The following PCDHGA2 variants were observed in gnomAD, a reference collection of about 807,000 sequenced individuals.
PCDHGA2 encodes protocadherin gamma subfamily A, 2.
In PCDHGA2, 40 loss-of-function variants were observed where a neutral mutation model predicts 59.2. The ratio of observed to expected loss-of-function variants is 0.68; its 90% CI spans 0.52 to 0.88. The LOEUF is 0.88. PCDHGA2 is among the 40% of genes least tolerant of loss of function. The probability of loss-of-function intolerance (pLI) is 0.00; values close to 1 mark genes in which losing one functional copy is unlikely to be tolerated. For synonymous variants in PCDHGA2, 560 were observed against 526.0 expected, an observed-to-expected ratio of 1.06 and a Z score of -0.89; for missense variants, 1,226 against 1,204.0, an observed-to-expected ratio of 1.02 and a Z score of -0.27.
chr5:141,350,472 A>G, intron 1 of PCDHGA2: 1 of 1,613,948 alleles, frequency 6.2e-7, no homozygotes, highest in Non-Finnish European at 8.5e-7. Flanking sequence ...GCAGAGGATT[A>G]TTTCAACGTT....
Position 141,339,156 on chromosome 5 carries a change from A to AG in PCDHGA2, c.188dup (p.Val64SerfsTer8). ...TTGGAGCCCCTGGCACTGGCAGAGCAGGGAGTCCGCATCGTCTCCAGAGGT... is the reference window on the plus strand; with the variant it reads ...TTGGAGCCCCTGGCACTGGCAGAGCAGGGGAGTCCGCATCGTCTCCAGAGGT... On this transcript the variant is annotated frameshift_variant, in exon 1 of 4. Transcript: ENST00000394576. LOFTEE classifies it high-confidence loss of function. The AG allele has an allele frequency of 6.2e-7, 1 of 1,614,206 alleles. No individual in the cohort carries two copies. Among genetic ancestry groups the AG allele is most frequent in the East Asian group, 2.2e-5 (1 of 44,864 alleles).
At chr5:141,351,565 C>A (rs777094926) in intron 1 of PCDHGA2, 13 of 1,613,926 alleles carry the variant, frequency 8.1e-6, no homozygotes, top group Non-Finnish European at 1.1e-5. Context: ...CAAGCATCAC[C>A]CTGCACATCT....
intron 1 of PCDHGA2, chr5:141,364,858 G>C (rs199575653): frequency 6.2e-7 from 1 of 1,614,006 alleles, no homozygotes; most frequent in African/African-American, 1.3e-5. Context: ...GCTCCAATCT[G>C]CACTTCTCTC....
chr5:141,455,928 C>T (rs1160778812), intron 1 of PCDHGA2, among the ~76,000 whole-genome samples: 3 of 151,158 alleles, frequency 2.0e-5, no homozygotes, highest in African/African-American at 4.9e-5. Context: ...GACGGAGTCT[C>T]GCTCTGTCGC....
intron 1 of PCDHGA2, among the ~76,000 whole-genome samples, chr5:141,380,075 C>T (rs1776189722): frequency 6.6e-6 from 1 of 151,480 alleles, no homozygotes; most frequent in African/African-American, 2.4e-5. Flanking sequence ...AATTTTCATA[C>T]TTTTAGTAGA....
intron 1 of PCDHGA2, chr5:141,392,542 A>T: frequency 3.1e-6 from 1 of 323,438 alleles, no homozygotes; most frequent in South Asian, 1.2e-4. Flanking sequence ...ATTTAGAAGT[A>T]ATCTGTATCT....
At chr5:141,415,560 GT>G in intron 1 of PCDHGA2, 1 of 1,613,936 alleles carries the variant, frequency 6.2e-7, no homozygotes, top group Non-Finnish European at 8.5e-7. Flanking sequence ...ACGATCCTTT[GT>G]CTTTGTTAGA....
At chr5:141,464,916 T>C (rs1298310554) in intron 1 of PCDHGA2, among the ~76,000 whole-genome samples, 1 of 152,024 alleles carries the variant, frequency 6.6e-6, no homozygotes, top group Non-Finnish European at 1.5e-5. Flanking sequence ...TTTTTTTATT[T>C]TTTTGTAGAG....
intron 1 of PCDHGA2, chr5:141,440,542 C>T (rs1448576873): frequency 6.6e-6 from 1 of 152,206 alleles, no homozygotes; most frequent in Non-Finnish European, 1.5e-5. Context: ...CACGGTTCAG[C>T]AGGAATGTTA....
At chr5:141,507,862 G>A (rs17286954) in intron 3 of PCDHGA2, among the ~76,000 whole-genome samples, 4 of 152,076 alleles carry the variant, frequency 2.6e-5, no homozygotes, top group African/African-American at 7.2e-5. Flanking sequence ...TTTCACACCC[G>A]CTTCCTAGCC....
In PCDHGA2 at chr5:141,390,133, A is replaced by G. The variant is rs1394678030; in HGVS notation, c.2424+48738A>G. ...AGCGAGGGGACTTTGCCTTATTCCT[A>G]CAATCTATGTGTTGCACATACAGGA... On this transcript the variant is annotated intron_variant, in intron 1 of 3. Coordinates refer to ENST00000394576, the MANE Select transcript of PCDHGA2 (RefSeq NM_018915.4). The G allele has an allele frequency of 3.1e-6, 5 of 1,614,040 alleles. No individual in the cohort carries two copies. The South Asian group carries it at 5.5e-5, about 18-fold the overall frequency.
rs760676891 is a variant in PCDHGA2, at chr5:141,413,180, CCGCTCAAAGGAAT to C, written c.2424+71800_2424+71812del. The C allele has an allele frequency of 6.9e-5, 111 of 1,602,612 alleles. No individual in the cohort carries two copies. The East Asian group carries it at 9.6e-4, about 14-fold the overall frequency. ...GAATTCTGTAACCAGACTACAATGG[CCGCTCAAAGGAAT>C]CGCTCAAAGGAATCAAAGGATTGCA... On this transcript the variant is annotated intron_variant, in intron 1 of 3. Transcript: ENST00000394576.
chr5:141,497,825 C>T (rs1015168533), intron 2 of PCDHGA2, among the ~76,000 whole-genome samples: 3 of 152,154 alleles, frequency 2.0e-5, no homozygotes, highest in Admixed American at 6.5e-5. Context: ...CAGGTGTGAT[C>T]GCCCCCGGCC....
At chr5:141,352,821 C>A in intron 1 of PCDHGA2, 3 of 796,942 alleles carry the variant, frequency 3.8e-6, no homozygotes, top group Non-Finnish European at 5.8e-6. Flanking sequence ...AAAACCCGGT[C>A]TACTAAAATT....
At chr5:141,365,601 T>TCATGGAC in intron 1 of PCDHGA2, 4 of 1,613,644 alleles carry the variant, frequency 2.5e-6, no homozygotes, top group Non-Finnish European at 3.4e-6. Flanking sequence ...ACTTTAACCG[T>TCATGGAC]CATGGACCAT....
rs991408001 is a variant in PCDHGA2, at chr5:141,450,171, C to G, written c.2425-44636C>G. Among the ~76,000 whole-genome samples, 5 of 151,690 alleles carry G rather than the reference C, an allele frequency of 3.3e-5. No individual in the cohort carries two copies. In the East Asian group the frequency reaches 7.8e-4, roughly 24 times the overall value. ...ACAGGCATGTGCCACCACACTCCCACCACACCCAGCTAATTTTTGTATTTT... is the reference window on the plus strand; with the variant it reads ...ACAGGCATGTGCCACCACACTCCCAGCACACCCAGCTAATTTTTGTATTTT... On this transcript the variant is annotated intron_variant, in intron 1 of 3. Transcript: ENST00000394576.
Position 141,477,991 on chromosome 5 carries a change from T to C in PCDHGA2, c.2425-16816T>C, listed in dbSNP as rs774877878. On this transcript the variant is annotated intron_variant, in intron 1 of 3. Transcript: ENST00000394576. The surrounding 1 kb of genome is among the most constrained non-coding windows in gnomAD (Gnocchi z 4.9). The stretch of plus-strand genomic sequence containing the variant: ...GCCTTTTTGCCATAGGGCTGCACAC[T>C]GGTCAAATCAGTACTGCCCGTCCAG... 2 of 1,614,134 alleles carry C rather than the reference T, an allele frequency of 1.2e-6. No individual in the cohort carries two copies. Among genetic ancestry groups the C allele is most frequent in the South Asian group, 2.2e-5 (2 of 91,082 alleles).
chr5:141,350,959 T>C, intron 1 of PCDHGA2: 3 of 1,614,092 alleles, frequency 1.9e-6, no homozygotes, highest in Non-Finnish European at 2.5e-6. Context: ...CGGATGCCAA[T>C]GATAATGCTC....
chr5:141,345,440 C>G (rs748487318), intron 1 of PCDHGA2: 2 of 1,614,078 alleles, frequency 1.2e-6, no homozygotes, highest in South Asian at 2.2e-5. Flanking sequence ...CCAGAGGAGC[C>G]TCCATCTTCT....
Sources: gnomAD v4.1 joint callset for allele counts (sites outside exome capture counted in the v4.1 genomes callset) on GRCh38, gnomAD v4.1.1 for gene constraint, Gnocchi (gnomAD v3.1) non-coding constraint, MANE v1.5 for transcripts, NCBI Gene and HGNC (gene_info 2026-07-23, HGNC 2026-07-21) for gene names.